FBLN7: variants seen among roughly 807,000 people sequenced by gnomAD.
FBLN7 encodes fibulin-7.
FBLN7 carries 31 observed loss-of-function variants against 44.0 expected under a neutral mutation model. The ratio of observed to expected loss-of-function variants is 0.70; its 90% CI spans 0.53 to 0.95. The LOEUF (loss-of-function observed/expected upper bound fraction) is 0.95. FBLN7 is among the 40% of genes least tolerant of loss of function. The probability of loss-of-function intolerance (pLI) is 0.00; values close to 1 mark genes in which losing one functional copy is unlikely to be tolerated. For synonymous variants in FBLN7, 262 were observed against 253.4 expected, an observed-to-expected ratio of 1.03 and a Z score of -0.32; for missense variants, 573 against 618.5, an observed-to-expected ratio of 0.93 and a Z score of 0.78.
rs989906224 is a variant in FBLN7 at position 112,138,601 on chromosome 2, G to A, written c.-55G>A. On this transcript the variant is annotated 5_prime_UTR_variant, in exon 1 of 8. Coordinates refer to ENST00000331203, the MANE Select transcript of FBLN7 (RefSeq NM_153214.3). ...GCTGCCGCATCGCTGGGACAAACTC[G>A]GCAGCGGAGGCAAAGTTATTTCCCC... is the stretch of plus-strand genomic sequence containing the variant. The A allele has an allele frequency of 1.3e-6, 2 of 1,588,660 alleles. No individual in the cohort carries two copies. The highest frequency in any genetic ancestry group is 4.7e-5 in the East Asian group (2 of 42,652).
the FBLN7 span, chr2:112,238,698 T>A: frequency 6.3e-6 from 3 of 473,122 alleles, no homozygotes; most frequent in Non-Finnish European, 1.1e-5. Context: ...ATTTCCAGAA[T>A]TAAAAAAAAG....
chr2:112,203,394 A>T, the FBLN7 span, among the ~76,000 whole-genome samples: 1 of 152,218 alleles, frequency 6.6e-6, no homozygotes, highest in Non-Finnish European at 1.5e-5. Context: ...CGCTGACTTC[A>T]ATAGCCATAC....
the FBLN7 span, among the ~76,000 whole-genome samples, chr2:112,241,250 A>C: frequency 1.3e-5 from 2 of 152,254 alleles, no homozygotes; most frequent in South Asian, 4.1e-4. Context: ...TTTCCCTAGG[A>C]AAAAAAGAGA....
rs977678826 is a variant in FBLN7, at chr2:112,167,159, C to G, written c.406+1988C>G. ...TTTTTCTTGCTTGCTCAGATATTAT[C>G]CAAATATTCTGTCCTCAATGGCGAC... is the stretch of plus-strand genomic sequence containing the variant. On this transcript the variant is annotated intron_variant, in intron 3 of 7. Transcript: ENST00000331203. Among the ~76,000 whole-genome samples, 63 of 152,328 alleles carry G rather than the reference C, an allele frequency of 4.1e-4. 1 individual carries two copies. The highest frequency in any genetic ancestry group is 1.4e-3 in the African/African-American group (60 of 41,586).
intron 2 of FBLN7, among the ~76,000 whole-genome samples, chr2:112,164,242 A>G (rs1354833492): frequency 6.6e-6 from 1 of 152,236 alleles, no homozygotes; most frequent in Non-Finnish European, 1.5e-5. Context: ...GATGCAATAA[A>G]TAAGGCTCCA....
chr2:112,196,965 G>A, the FBLN7 span, among the ~76,000 whole-genome samples: 1 of 151,956 alleles, frequency 6.6e-6, no homozygotes, highest in Admixed American at 6.6e-5. Context: ...AAAACCATTG[G>A]ATCTCCTAAG....
At chr2:112,222,920 A>G in the FBLN7 span, among the ~76,000 whole-genome samples, 1 of 152,254 alleles carries the variant, frequency 6.6e-6, no homozygotes, top group South Asian at 2.1e-4. Context: ...CAAATGGTTA[A>G]GATGGTAAAT....
At chr2:112,238,535 A>G in the FBLN7 span, 8,522 of 1,587,438 alleles carry the variant, frequency 5.4e-3, 33 homozygotes, top group Non-Finnish European at 6.2e-3. Flanking sequence ...TAAACTAAGT[A>G]AAAATTAAAA....
chr2:112,198,933 G>A, the FBLN7 span, among the ~76,000 whole-genome samples: 1 of 152,204 alleles, frequency 6.6e-6, no homozygotes, highest in South Asian at 2.1e-4. Flanking sequence ...CTACCAGTGA[G>A]TCAGGCTAAC....
At chr2:112,234,970 A>G in the FBLN7 span, among the ~76,000 whole-genome samples, 1 of 152,178 alleles carries the variant, frequency 6.6e-6, no homozygotes, top group Admixed American at 6.5e-5. Flanking sequence ...AGTTGAGCAC[A>G]CTTATCAGCT....
the FBLN7 span, among the ~76,000 whole-genome samples, chr2:112,206,733 G>GTTTTTGTTTT: frequency 6.5e-5 from 8 of 123,012 alleles, no homozygotes; most frequent in African/African-American, 2.4e-4. Flanking sequence ...CTTATTGACT[G>GTTTTTGTTTT]TTTTTTTTTT....
chr2:112,221,026 T>G, the FBLN7 span, among the ~76,000 whole-genome samples: 139 of 152,344 alleles, frequency 9.1e-4, no homozygotes, highest in African/African-American at 3.2e-3. Context: ...GAAATTTTCA[T>G]GGACAATATC....
the FBLN7 span, chr2:112,214,001 A>C: frequency 7.1e-6 from 1 of 140,888 alleles, no homozygotes; most frequent in Non-Finnish European, 1.5e-5. Flanking sequence ...GCTGGAGTGC[A>C]GTGGTGCGAT....
At chr2:112,192,000 G>A (rs1683505692), downstream of FBLN7, among the ~76,000 whole-genome samples, 1 of 152,078 alleles carries the variant, frequency 6.6e-6, no homozygotes, top group Non-Finnish European at 1.5e-5. Context: ...ATAAACAAAT[G>A]ATAAATGATA....
chr2:112,210,134 A>G, the FBLN7 span, among the ~76,000 whole-genome samples: 1 of 151,866 alleles, frequency 6.6e-6, no homozygotes, highest in South Asian at 2.1e-4. Flanking sequence ...TTGGAGCCCA[A>G]GCAGAGTGAG....
downstream of FBLN7, among the ~76,000 whole-genome samples, chr2:112,192,946 A>G (rs1052083024): frequency 2.6e-5 from 4 of 152,216 alleles, no homozygotes; most frequent in African/African-American, 9.6e-5. Flanking sequence ...GGGACAGAAA[A>G]TAGATGTGTA....
At chr2:112,182,123 G>A in intron 5 of FBLN7, 2 of 520,522 alleles carry the variant, frequency 3.8e-6, no homozygotes, top group Non-Finnish European at 6.7e-6. Flanking sequence ...ACACGCGCTT[G>A]GTTCAGGAGA....
chr2:112,197,274 C>CACACAGAG, the FBLN7 span, among the ~76,000 whole-genome samples: 445 of 98,592 alleles, frequency 4.5e-3, no homozygotes, highest in Admixed American at 6.9e-3. Context: ...CACACACACA[C>CACACAGAG]AGAGAGAGAG....
chr2:112,159,091 G>C (rs1358095774), intron 1 of FBLN7, among the ~76,000 whole-genome samples: 1 of 151,822 alleles, frequency 6.6e-6, no homozygotes, highest in African/African-American at 2.4e-5. Context: ...CCTTTATCAT[G>C]ATAAGCATGA....
Sources: gnomAD v4.1 joint callset for allele counts (sites outside exome capture counted in the v4.1 genomes callset) on GRCh38, gnomAD v4.1.1 for gene constraint, MANE v1.5 for transcripts, NCBI Gene and HGNC (gene_info 2026-07-23, HGNC 2026-07-21) for gene names.